NAV2: variants seen among roughly 807,000 people sequenced by gnomAD.
NAV2 encodes neuron navigator 2.
In NAV2, 54 loss-of-function variants were observed where a neutral mutation model predicts 223.2. That is an observed-to-expected ratio of 0.24 (90% CI 0.19 to 0.30). NAV2 has a LOEUF of 0.30. NAV2 is among the 10% of genes least tolerant of loss of function. The pLI is 1.00. For synonymous variants in NAV2, 1,279 were observed against 1,239.3 expected (o/e 1.03, Z -0.67); for missense variants, 2,806 against 3,147.5 (o/e 0.89, Z 2.60).
intron 1 of NAV2, among the ~76,000 whole-genome samples, chr11:19,563,332 C>A (rs897202751): frequency 2.0e-5 from 3 of 152,210 alleles, no homozygotes; most frequent in Non-Finnish European, 2.9e-5. Flanking sequence ...AGTTGGGTGC[C>A]AGGACTCAGG....
intron 11 of NAV2, among the ~76,000 whole-genome samples, chr11:19,989,862 C>A (rs1003446656): frequency 1.3e-5 from 2 of 152,092 alleles, no homozygotes; most frequent in African/African-American, 4.8e-5. Flanking sequence ...CCAAATCCTC[C>A]GGTCGCCTAA....
intron 1 of NAV2, among the ~76,000 whole-genome samples, chr11:19,461,570 C>T (rs1852162458): frequency 6.6e-6 from 1 of 152,134 alleles, no homozygotes; most frequent in Non-Finnish European, 1.5e-5. Flanking sequence ...ATGCAACAGC[C>T]AGTAGGCCAG....
intron 34 of NAV2, 37 bp downstream of exon 34, chr11:20,103,761 A>T: frequency 6.3e-7 from 1 of 1,589,598 alleles, no homozygotes; most frequent in Non-Finnish European, 8.6e-7. Context: ...TAAACAATGG[A>T]ATCACAAAGA....
intron 11 of NAV2, among the ~76,000 whole-genome samples, chr11:20,030,080 T>C (rs1043054369): frequency 6.6e-6 from 1 of 152,226 alleles, no homozygotes; most frequent in African/African-American, 2.4e-5. Context: ...CCCATATTCC[T>C]GTTAGTTTCC....
intron 1 of NAV2, among the ~76,000 whole-genome samples, chr11:19,502,484 G>C (rs750749922): frequency 2.6e-5 from 4 of 152,130 alleles, no homozygotes; most frequent in African/African-American, 4.8e-5. Context: ...GGTTTTCATA[G>C]TGCAATTAAG....
intron 11 of NAV2, among the ~76,000 whole-genome samples, chr11:19,985,281 TG>T (rs1467942805): frequency 6.6e-6 from 1 of 152,180 alleles, no homozygotes; most frequent in Non-Finnish European, 1.5e-5. Flanking sequence ...AGATGGAATT[TG>T]CTGAAGAAGA....
intron 1 of NAV2, among the ~76,000 whole-genome samples, chr11:19,643,129 T>C (rs2047711894): frequency 6.6e-6 from 1 of 152,186 alleles, no homozygotes; most frequent in South Asian, 2.1e-4. Flanking sequence ...ATTATATATA[T>C]ACATGCCACA....
intron 1 of NAV2, chr11:19,503,614 TTTCATGGC>T (rs1427397709): frequency 6.6e-6 from 1 of 152,226 alleles, no homozygotes; most frequent in East Asian, 1.9e-4. Flanking sequence ...CCTCCATGTT[TTTCATGGC>T]TTGATAGCTC....
rs1281075077 is a variant in NAV2 at position 20,092,368 on chromosome 11, G to T, written c.5815G>T (p.Asp1939Tyr). The T allele has an allele frequency of 6.2e-7, 1 of 1,610,752 alleles. No homozygotes were observed. The highest frequency in any genetic ancestry group is 1.1e-5 in the South Asian group (1 of 90,934). ...GAACCTCACTGAGTCAACCAGCCTGGGTGAGTGGCCTACAGGGTTTGGGGG... is the reference window on the plus strand; with the variant it reads ...GAACCTCACTGAGTCAACCAGCCTGTGTGAGTGGCCTACAGGGTTTGGGGG... The part of the protein sequence containing the change: ...SLNLTESTSL[D>Y]MLLDDTGECS... The change falls in exon 28 of 38, where the codon GAC becomes TAC. Residue 1939 changes from aspartate (D) to tyrosine (Y), a missense_variant and splice_region_variant. Asp to Tyr is a radical substitution (Grantham distance 160). This residue lies in a region of NAV2 where 824 missense variants were observed against 1,069.4 expected (regional missense o/e 0.77). Transcript: ENST00000349880.
At chr11:19,512,414 C>T (rs747115046) in intron 1 of NAV2, among the ~76,000 whole-genome samples, 10 of 152,172 alleles carry the variant, frequency 6.6e-5, no homozygotes, top group Non-Finnish European at 2.9e-5. Context: ...ATGGTAAATG[C>T]CTCCGAGGTG....
At chr11:20,068,762 AG>A (rs1259707343) in intron 22 of NAV2, among the ~76,000 whole-genome samples, 2 of 152,202 alleles carry the variant, frequency 1.3e-5, no homozygotes, top group African/African-American at 4.8e-5. Context: ...AAAGGAAAGA[AG>A]GGGGAAGAAA....
Position 20,101,108 on chromosome 11 carries a change from G to T in NAV2, c.6353G>T (p.Arg2118Leu). 1.2e-6 allele frequency: 2 copies of T among 1,614,170 alleles called. No homozygotes were observed. The highest frequency in any genetic ancestry group is 1.1e-5 in the South Asian group (1 of 91,080). Residue 2118 changes from arginine to leucine, a missense_variant, in exon 32 of 38, where the codon CGA (arginine) becomes CTA (leucine). Around this residue, in one of 4 missense-constraint regions of NAV2, gnomAD observed 824 missense variants for 1,069.4 expected, o/e 0.77. Transcript: ENST00000349880. ...CGGCTGTCTGAGTATATAGTGCTTC[G>T]AGAGGGACGGGAGTTGACAGACGGG... ...ANRLSEYIVL[R>L]EGRELTDGVI...
chr11:19,391,492 A>G (rs1011727463), intron 1 of NAV2, among the ~76,000 whole-genome samples: 1 of 152,232 alleles, frequency 6.6e-6, no homozygotes, highest in African/African-American at 2.4e-5. Context: ...TTTAAACCTT[A>G]TCAATGACAC....
At chr11:19,405,603 C>T (rs981398205) in intron 1 of NAV2, among the ~76,000 whole-genome samples, 3 of 152,238 alleles carry the variant, frequency 2.0e-5, no homozygotes, top group African/African-American at 4.8e-5. Flanking sequence ...CTTGAAAACA[C>T]CACTCTGTTG....
rs1315546610 is a variant in NAV2, at chr11:20,090,026, GC to G, written c.5499-836del. On this transcript the variant is annotated intron_variant, in intron 26 of 37. Coordinates refer to ENST00000349880, the MANE Select transcript of NAV2 (RefSeq NM_145117.5). ...ACTCCCTGAAGAGGTTTCCCTTCTT[GC>G]CCTGAGTGTGTTAAGCAGTGTGGGG... Among the ~76,000 whole-genome samples the G allele has an allele frequency of 5.3e-5, 8 of 152,268 alleles. No homozygotes were observed. In the East Asian group the frequency reaches 1.5e-3, roughly 29 times the overall value.
chr11:19,940,092 ATCT>A (rs1255867489), intron 8 of NAV2, among the ~76,000 whole-genome samples: 5 of 152,080 alleles, frequency 3.3e-5, no homozygotes, highest in Non-Finnish European at 5.9e-5. Context: ...TTAACTTTGA[ATCT>A]TCTTGTTTAC....
At chr11:19,777,024 C>T (rs35383695) in intron 1 of NAV2, among the ~76,000 whole-genome samples, 45,948 of 151,418 alleles carry the variant, frequency 0.3, 7,109 homozygotes, top group African/African-American at 0.33. Flanking sequence ...GAAGGGCCCA[C>T]TGAAGCGCCG....
intron 1 of NAV2, among the ~76,000 whole-genome samples, chr11:19,464,153 C>T (rs1852264754): frequency 6.6e-6 from 1 of 152,158 alleles, no homozygotes. Flanking sequence ...GCCAGAGCAG[C>T]CCAGAGCACC....
chr11:20,098,321 A>G (rs1446502092), intron 31 of NAV2, among the ~76,000 whole-genome samples: 2 of 152,174 alleles, frequency 1.3e-5, no homozygotes, highest in African/African-American at 4.8e-5. Flanking sequence ...CGTTATCCCC[A>G]TTTGTGTTTA....
Sources: gnomAD v4.1 joint callset for allele counts (sites outside exome capture counted in the v4.1 genomes callset) on GRCh38, gnomAD v4.1.1 for gene constraint, gnomAD v4.1.1 regional missense constraint, MANE v1.5 for transcripts, NCBI Gene and HGNC (gene_info 2026-07-23, HGNC 2026-07-21) for gene names.